BCAS3: variants seen among roughly 807,000 people sequenced by gnomAD.
BCAS3 encodes the protein BCAS4/BCAS3 fusion.
A neutral mutation model predicts 116.1 loss-of-function variants in BCAS3; 53 were observed. The ratio of observed to expected loss-of-function variants is 0.46; its 90% CI spans 0.37 to 0.57. The LOEUF (loss-of-function observed/expected upper bound fraction) is 0.57. Among genes scored for constraint, BCAS3 ranks in the 20% least tolerant of loss-of-function variants. The pLI is 0.00. For missense variants in BCAS3, 917 were observed against 1,165.4 expected, an observed-to-expected ratio of 0.79 and a Z score of 3.10; for synonymous variants, 391 against 408.2, an observed-to-expected ratio of 0.96 and a Z score of 0.51.
rs183776354 is a variant in BCAS3 at position 60,758,506 on chromosome 17, G to A, written c.403+11227G>A. Among the ~76,000 whole-genome samples the A allele has an allele frequency of 8.4e-4, 128 of 152,054 alleles. No homozygotes were observed. In the East Asian group the frequency reaches 9.9e-3, roughly 12 times the overall value. ...AACAGTTCTTCTGCCTCAGCCTCCC[G>A]AGTAGCTGGGATTACAGGCTCCCAC... is the stretch of plus-strand genomic sequence containing the variant. On this transcript the variant is annotated intron_variant, in intron 6 of 23. Transcript: ENST00000407086.
At chr17:61,290,589 C>T (rs1043116256) in intron 22 of BCAS3, among the ~76,000 whole-genome samples, 4 of 152,112 alleles carry the variant, frequency 2.6e-5, no homozygotes, top group Non-Finnish European at 4.4e-5. Flanking sequence ...TAACGAAAAA[C>T]GACAGAGAAT....
At chr17:60,934,068 A>G (rs976161548) in intron 13 of BCAS3, among the ~76,000 whole-genome samples, 1 of 152,196 alleles carries the variant, frequency 6.6e-6, no homozygotes, top group Non-Finnish European at 1.5e-5. Flanking sequence ...AGGGACCACA[A>G]TACTTTTAGA....
intron 22 of BCAS3, among the ~76,000 whole-genome samples, chr17:61,271,589 C>CTGTGTG (rs34693526): frequency 0.034 from 4,057 of 118,360 alleles, 88 homozygotes; most frequent in African/African-American, 0.054. Flanking sequence ...ACGCCCAGCT[C>CTGTGTG]TGTGTGTGTG....
chr17:60,946,877 C>T (rs922458533), intron 13 of BCAS3, among the ~76,000 whole-genome samples: 1 of 151,908 alleles, frequency 6.6e-6, no homozygotes, highest in Non-Finnish European at 1.5e-5. Flanking sequence ...GGCACCTGCA[C>T]CCCAGCCTGG....
chr17:60,703,878 C>T (rs1439602798), intron 4 of BCAS3, among the ~76,000 whole-genome samples: 44 of 147,136 alleles, frequency 3.0e-4, no homozygotes, highest in Admixed American at 2.0e-3. Flanking sequence ...CATGCCGCTG[C>T]ACTCCAGCCG....
rs912889521 is a variant in BCAS3, at chr17:61,065,958, T to C, written c.2030-8962T>C. Among the ~76,000 whole-genome samples, 6 of 152,262 alleles carry C rather than the reference T, an allele frequency of 3.9e-5. No individual in the cohort carries two copies. The highest frequency in any genetic ancestry group is 7.3e-5 in the Non-Finnish European group (5 of 68,048). On this transcript the variant is annotated intron_variant, in intron 19 of 23. Transcript: ENST00000407086. This position sits in a 1 kb window ranked among gnomAD's most constrained non-coding sequence, Gnocchi z 4.8. ...TTAAGAGACTCTAAATTTCTATTTC[T>C]ATATATTCAGCCTATTATCATATTT... is the stretch of plus-strand genomic sequence containing the variant.
intron 15 of BCAS3, among the ~76,000 whole-genome samples, chr17:60,992,564 A>G (rs2063595187): frequency 6.6e-6 from 1 of 152,214 alleles, no homozygotes; most frequent in East Asian, 1.9e-4. Context: ...TTGAAAAACT[A>G]CCTGTTGGGT....
At chr17:61,108,841 T>C (rs1386376170) in intron 22 of BCAS3, among the ~76,000 whole-genome samples, 2 of 152,150 alleles carry the variant, frequency 1.3e-5, no homozygotes, top group Admixed American at 1.3e-4. Flanking sequence ...CTCCCACTTA[T>C]GAGTGAGAAC....
chr17:60,997,228 C>G lies in BCAS3; in HGVS notation c.1486+6993C>G, dbSNP rs2063901907. ...GCTTGACAGCCACTTACCTCCTGCT[C>G]TGCAGCCTGGTTTCGTACAGGCCAC... On this transcript the variant is annotated intron_variant, in intron 15 of 23. Coordinates refer to ENST00000407086, the MANE Select transcript of BCAS3 (RefSeq NM_017679.5). Among the ~76,000 whole-genome samples the G allele has an allele frequency of 2.6e-5, 4 of 152,356 alleles. No individual in the cohort carries two copies. In the South Asian group the frequency reaches 8.3e-4, roughly 32 times the overall value.
intron 19 of BCAS3, among the ~76,000 whole-genome samples, chr17:61,053,994 T>A (rs1203538940): frequency 2.0e-5 from 3 of 152,234 alleles, no homozygotes; most frequent in African/African-American, 7.2e-5. Flanking sequence ...TTGGGGAATA[T>A]TATGAAATTA....
chr17:61,311,430 C>T (rs1258981519), intron 22 of BCAS3, among the ~76,000 whole-genome samples: 1 of 152,142 alleles, frequency 6.6e-6, no homozygotes, highest in Admixed American at 6.5e-5. Flanking sequence ...ACAGCACGGT[C>T]CAAATTAGAG....
intron 22 of BCAS3, among the ~76,000 whole-genome samples, chr17:61,115,846 GT>G (rs1470714110): frequency 2.0e-5 from 3 of 151,330 alleles, no homozygotes; most frequent in Non-Finnish European, 4.4e-5. Flanking sequence ...CAACCCAAAT[GT>G]CCAACAATGA....
At chr17:60,872,438 T>G (rs1476188565) in intron 8 of BCAS3, among the ~76,000 whole-genome samples, 1 of 151,360 alleles carries the variant, frequency 6.6e-6, no homozygotes, top group Non-Finnish European at 1.5e-5. Flanking sequence ...TATATCTGTA[T>G]GTATATATAC....
Position 61,258,622 on chromosome 17 carries a change from A to C in BCAS3, c.2426-109705A>C, listed in dbSNP as rs1220638653. ...TGTTAGACTGTTCCCCTTGATCATA[A>C]TACAACATTGATTAAGTAAGTAGAC... is the stretch of plus-strand genomic sequence containing the variant. On this transcript the variant is annotated intron_variant, in intron 22 of 23. Coordinates refer to ENST00000407086, the MANE Select transcript of BCAS3 (RefSeq NM_017679.5). The surrounding 1 kb of genome is among the most constrained non-coding windows in gnomAD (Gnocchi z 4.7). Among the ~76,000 whole-genome samples the C allele has an allele frequency of 6.6e-6, 1 of 152,282 alleles. No homozygotes were observed. The highest frequency in any genetic ancestry group is 1.5e-5 in the Non-Finnish European group (1 of 68,054).
At chr17:61,311,762 C>T (rs1054609561) in intron 22 of BCAS3, among the ~76,000 whole-genome samples, 5 of 152,130 alleles carry the variant, frequency 3.3e-5, no homozygotes, top group African/African-American at 7.2e-5. Context: ...GGCATGGTGG[C>T]GGGCGCCTGT....
chr17:61,020,895 T>C lies in BCAS3; in HGVS notation c.1637+4994T>C, dbSNP rs1315483384. Among the ~76,000 whole-genome samples the C allele has an allele frequency of 6.6e-6, 1 of 152,134 alleles. No individual in the cohort carries two copies. The highest frequency in any genetic ancestry group is 1.5e-5 in the Non-Finnish European group (1 of 68,018). On this transcript the variant is annotated intron_variant, in intron 16 of 23. Coordinates refer to ENST00000407086, the MANE Select transcript of BCAS3 (RefSeq NM_017679.5). The surrounding 1 kb of genome is among the most constrained non-coding windows in gnomAD (Gnocchi z 4.5). ...GGTAGTTCCGTGGGAATAAAAAATA[T>C]TAAAATTGAAAATGAAGTTACTTCC...
chr17:60,994,582 T>G lies in BCAS3; in HGVS notation c.1486+4347T>G, dbSNP rs553790554. ...CTGCCAATTTTCTGCTTAAGATCTT[T>G]GTGTCTCACCATATTCCTAGAAGGT... On this transcript the variant is annotated intron_variant, in intron 15 of 23. Coordinates refer to ENST00000407086, the MANE Select transcript of BCAS3 (RefSeq NM_017679.5). This position sits in a 1 kb window ranked among gnomAD's most constrained non-coding sequence, Gnocchi z 4.4. 6.6e-6 allele frequency among the ~76,000 whole-genome samples: 1 copy of G among 152,380 alleles called. No individual in the cohort carries two copies. Among genetic ancestry groups the G allele is most frequent in the African/African-American group, 2.4e-5 (1 of 41,596 alleles).
In BCAS3 at chr17:61,034,536, C is replaced by T; in HGVS notation, c.1638-130C>T. On this transcript the variant is annotated intron_variant, in intron 16 of 23. Coordinates refer to ENST00000407086, the MANE Select transcript of BCAS3 (RefSeq NM_017679.5). The surrounding 1 kb of genome is among the most constrained non-coding windows in gnomAD (Gnocchi z 5.0). ...CATAGTCTCACATCACCATTTATTA[C>T]TTAAGGCAAAATGCATGTTCATACT... is the stretch of plus-strand genomic sequence containing the variant. The T allele has an allele frequency of 1.3e-6, 1 of 790,570 alleles. No homozygotes were observed. Among genetic ancestry groups the T allele is most frequent in the Non-Finnish European group, 1.9e-6 (1 of 524,412 alleles). The allele number at this position is 790,570 out of a possible 1,614,324, so 49.0% of individuals were successfully genotyped here. A position where few individuals can be genotyped will look rare whatever the true frequency, so the allele number is the denominator to read the frequency against.
intron 22 of BCAS3, among the ~76,000 whole-genome samples, chr17:61,295,972 GAAA>G (rs2052866840): frequency 6.9e-6 from 1 of 144,960 alleles, no homozygotes. Context: ...AAAAAAAAAA[GAAA>G]GAAATTTCCG....
Sources: gnomAD v4.1 joint callset for allele counts (sites outside exome capture counted in the v4.1 genomes callset) on GRCh38, gnomAD v4.1.1 for gene constraint, Gnocchi (gnomAD v3.1) non-coding constraint, MANE v1.5 for transcripts, NCBI Gene and HGNC (gene_info 2026-07-23, HGNC 2026-07-21) for gene names.